Variants in PTPN14 observed in about 807,000 individuals in gnomAD.
PTPN14 encodes tyrosine-protein phosphatase non-receptor type 14.
Under a neutral mutation model 126.8 loss-of-function variants are expected in PTPN14, and 53 were observed. The ratio of observed to expected loss-of-function variants is 0.42; its 90% CI spans 0.34 to 0.53. The LOEUF (loss-of-function observed/expected upper bound fraction) is 0.53, where lower values mean the gene tolerates loss of function less well. Among genes scored for constraint, PTPN14 ranks in the 20% least tolerant of loss-of-function variants. The probability of loss-of-function intolerance (pLI) is 0.08; values close to 1 mark genes in which losing one functional copy is unlikely to be tolerated. For synonymous variants in PTPN14, 630 were observed against 599.3 expected (o/e 1.05, Z -0.75); for missense variants, 1,257 against 1,552.9 (o/e 0.81, Z 3.20).
intron 4 of PTPN14, among the ~76,000 whole-genome samples, chr1:214,414,193 T>G (rs1477762852): frequency 6.6e-6 from 1 of 152,218 alleles, no homozygotes; most frequent in Non-Finnish European, 1.5e-5. Flanking sequence ...GGATTTTAAA[T>G]CTACCTCTTT....
intron 10 of PTPN14, among the ~76,000 whole-genome samples, chr1:214,393,473 A>G (rs1658805341): frequency 6.6e-6 from 1 of 152,222 alleles, no homozygotes; most frequent in African/African-American, 2.4e-5. Flanking sequence ...CCAAGCATTC[A>G]CAGTCAATTT....
In PTPN14 at chr1:214,357,131, C is replaced by T. The variant is rs936195458; in HGVS notation, c.*791G>A. ...AACAGGAGAGGTAGCAACAAATACC[C>T]AAGGTACAGTCGCCAGCAGGGAAAC... On this transcript the variant is annotated 3_prime_UTR_variant, in exon 19 of 19. Coordinates refer to ENST00000366956, the MANE Select transcript of PTPN14 (RefSeq NM_005401.5). The T allele has an allele frequency of 2.0e-5, 3 of 152,312 alleles. No individual in the cohort carries two copies. The highest frequency in any genetic ancestry group is 7.2e-5 in the African/African-American group (3 of 41,430). 9.4% of individuals were successfully genotyped at this position (152,312 alleles called of 1,614,324 possible).
chr1:214,398,039 T>A (rs190096881), intron 7 of PTPN14, 38 bp from the exon 8 acceptor site: 1 of 1,468,718 alleles, frequency 6.8e-7, no homozygotes, highest in African/African-American at 1.4e-5. Context: ...TGATGACCCA[T>A]GTTCACTGCA....
chr1:214,366,693 T>A (rs1658087643), intron 17 of PTPN14, among the ~76,000 whole-genome samples: 1 of 152,158 alleles, frequency 6.6e-6, no homozygotes, highest in South Asian at 2.1e-4. Context: ...GCATAATACA[T>A]ACATTTACAT....
rs557905284 is a variant in PTPN14 at position 214,414,742 on chromosome 1, G to C, written c.345-16C>G. On this transcript the variant is annotated splice_polypyrimidine_tract_variant and intron_variant, in intron 3 of 18. Coordinates refer to ENST00000366956, the MANE Select transcript of PTPN14 (RefSeq NM_005401.5). Reference sequence around the variant, plus strand: ...ATACTGATATCTGTTCATGGGAATAGAGGAACAAACAACCTTAAAAACACA... The same window carrying C: ...ATACTGATATCTGTTCATGGGAATACAGGAACAAACAACCTTAAAAACACA... 1.8e-4 allele frequency: 290 copies of C among 1,590,302 alleles called. 3 individuals are homozygous for C. The South Asian group carries it at 3.0e-3, about 17-fold the overall frequency.
intron 3 of PTPN14, among the ~76,000 whole-genome samples, chr1:214,446,249 C>A (rs1411027610): frequency 1.3e-5 from 2 of 152,148 alleles, no homozygotes; most frequent in Non-Finnish European, 2.9e-5. Context: ...ATTTCTATAA[C>A]AATATCAAGG....
chr1:214,534,743 A>AAATAAATAAATAAAT (rs1487444233), intron 1 of PTPN14, among the ~76,000 whole-genome samples: 15 of 31,146 alleles, frequency 4.8e-4, no homozygotes, highest in Non-Finnish European at 7.5e-4. Context: ...AATAAATAAA[A>AAATAAATAAATAAAT]GACGGAATTA....
intron 3 of PTPN14, among the ~76,000 whole-genome samples, chr1:214,448,824 G>T (rs1046785010): frequency 6.6e-6 from 1 of 151,994 alleles, no homozygotes; most frequent in Non-Finnish European, 1.5e-5. Flanking sequence ...TCCATTTTTA[G>T]ATGGCTTAGT....
intron 3 of PTPN14, among the ~76,000 whole-genome samples, chr1:214,436,786 C>CAAAAA (rs1159209240): frequency 8.6e-5 from 4 of 46,648 alleles, no homozygotes; most frequent in Non-Finnish European, 1.8e-4. Context: ...GACTCCGTCT[C>CAAAAA]AAAAAAAAAA....
chr1:214,485,238 T>C (rs1441444968), intron 1 of PTPN14, among the ~76,000 whole-genome samples: 1 of 152,138 alleles, frequency 6.6e-6, no homozygotes, highest in Non-Finnish European at 1.5e-5. Context: ...GTGTTTCGTA[T>C]TTTTATTCTG....
Position 214,383,546 on chromosome 1 carries a change from C to T in PTPN14, c.2309G>A (p.Ser770Asn), listed in dbSNP as rs763904657. ...GGCTCTGGCCATGGCGGGAGGAAGGCTGGCTTGGTCCTGCCTCAGAGCCCC... is the reference window on the plus strand; with the variant it reads ...GGCTCTGGCCATGGCGGGAGGAAGGTTGGCTTGGTCCTGCCTCAGAGCCCC... ...SNGALRQDQASLPPAMARARV... is the reference protein window; with the variant it reads ...SNGALRQDQANLPPAMARARV... The change falls in exon 13 of 19, where the codon AGC becomes AAC. Residue 770 changes from serine (S) to asparagine (N), a missense_variant. Physicochemically the swap from Ser to Asn is conservative, Grantham distance 46. Around this residue, in one of 3 missense-constraint regions of PTPN14, gnomAD observed 1,021 missense variants for 1,183.3 expected, o/e 0.86. Coordinates refer to ENST00000366956, the MANE Select transcript of PTPN14 (RefSeq NM_005401.5). This position sits in a 1 kb window ranked among gnomAD's most constrained non-coding sequence, Gnocchi z 4.4. The T allele has an allele frequency of 2.5e-6, 4 of 1,613,876 alleles. No individual in the cohort carries two copies. Among genetic ancestry groups the T allele is most frequent in the Non-Finnish European group, 3.4e-6 (4 of 1,179,906 alleles).
intron 5 of PTPN14, among the ~76,000 whole-genome samples, chr1:214,410,425 T>C (rs1659280800): frequency 6.6e-6 from 1 of 152,024 alleles, no homozygotes; most frequent in Admixed American, 6.6e-5. Context: ...CCTGAGTAGC[T>C]GGGACTAGAG....
chr1:214,358,876 G>A (rs1381538125), intron 18 of PTPN14, among the ~76,000 whole-genome samples: 2 of 151,514 alleles, frequency 1.3e-5, no homozygotes, highest in African/African-American at 4.9e-5. Context: ...CGGAGTAGCT[G>A]GGATTACAGG....
In PTPN14 at chr1:214,510,318, T is replaced by C. The variant is rs146941775; in HGVS notation, c.-155+40865A>G. Among the ~76,000 whole-genome samples, 1,172 of 152,238 alleles carry C rather than the reference T, an allele frequency of 7.7e-3. 19 individuals carry two copies. Among genetic ancestry groups the C allele is most frequent in the African/African-American group, 0.027 (1,124 of 41,520 alleles). Reference sequence around the variant, plus strand: ...CAAGATAATGAAAGCGTCTGACATATTGTGAGAAATGCCAAAATGTGACAC... The same window carrying C: ...CAAGATAATGAAAGCGTCTGACATACTGTGAGAAATGCCAAAATGTGACAC... On this transcript the variant is annotated intron_variant, in intron 1 of 18. Transcript: ENST00000366956.
intron 1 of PTPN14, chr1:214,531,607 G>GC (rs1233448121): frequency 6.6e-6 from 1 of 151,684 alleles, no homozygotes; most frequent in Non-Finnish European, 1.5e-5. Context: ...TATCTGCCCT[G>GC]CAAGTCTTCT....
At chr1:214,511,460 G>T (rs990842709) in intron 1 of PTPN14, among the ~76,000 whole-genome samples, 4 of 149,736 alleles carry the variant, frequency 2.7e-5, no homozygotes, top group African/African-American at 9.9e-5. Context: ...AGACAATGAG[G>T]TATCACCTCA....
chr1:214,482,255 C>A (rs1661007161), intron 1 of PTPN14, among the ~76,000 whole-genome samples: 1 of 111,412 alleles, frequency 9.0e-6, no homozygotes, highest in South Asian at 2.8e-4. Context: ...TTTGTTGAGT[C>A]AGAGGGTTGT....
chr1:214,501,147 G>A (rs1050062878), intron 1 of PTPN14, among the ~76,000 whole-genome samples: 2 of 152,166 alleles, frequency 1.3e-5, no homozygotes, highest in Non-Finnish European at 2.9e-5. Context: ...TGCCAAATTC[G>A]TCTTTTCATA....
At chr1:214,421,706 A>G (rs1659548193) in intron 3 of PTPN14, among the ~76,000 whole-genome samples, 1 of 152,060 alleles carries the variant, frequency 6.6e-6, no homozygotes, top group Admixed American at 6.6e-5. Flanking sequence ...TTCCAACTTC[A>G]TATCTCACCA....
Sources: allele counts gnomAD v4.1 joint callset (sites outside exome capture counted in the v4.1 genomes callset), GRCh38; gene constraint gnomAD v4.1.1; regional missense constraint gnomAD v4.1.1; non-coding constraint Gnocchi (gnomAD v3.1); transcripts MANE v1.5; gene names NCBI Gene and HGNC (gene_info 2026-07-23, HGNC 2026-07-21).